FHIP1B: variants seen among roughly 807,000 people sequenced by gnomAD.
FHIP1B encodes FHF complex subunit HOOK interacting protein 1B.
Under a neutral mutation model 82.2 loss-of-function variants are expected in FHIP1B, and 28 were observed. That is an observed-to-expected ratio of 0.34 (90% CI 0.25 to 0.47). The LOEUF is 0.47. Among genes scored for constraint, FHIP1B ranks in the 20% least tolerant of loss-of-function variants. The pLI, the probability that FHIP1B is intolerant of heterozygous loss-of-function variation, is 1.00. For synonymous variants in FHIP1B, 585 were observed against 516.1 expected, an observed-to-expected ratio of 1.13 and a Z score of -1.81; for missense variants, 1,110 against 1,262.6, an observed-to-expected ratio of 0.88 and a Z score of 1.83.
In FHIP1B at chr11:6,211,549, C is replaced by T; in HGVS notation, c.2876G>A (p.Gly959Glu). The change falls in exon 12 of 12, where the codon GGA (glycine) becomes GAA (glutamate). Residue 959 changes from glycine (G) to glutamate (E), a missense_variant. By Grantham distance (98) the Gly-to-Glu change is moderately conservative. Transcript: ENST00000449352. ...ACAGCCTGAGATGAGAGGGCCAGATCCTTCCTCTGAAGTCTCCAACAAGAA... is the reference window on the plus strand; with the variant it reads ...ACAGCCTGAGATGAGAGGGCCAGATTCTTCCTCTGAAGTCTCCAACAAGAA... ...SPFLLETSEE[G>E]SGPLISGCGP... is the part of the protein sequence containing the mutation. 1 of 1,613,032 alleles carries T rather than the reference C, an allele frequency of 6.2e-7. No homozygotes were observed. The highest frequency in any genetic ancestry group is 8.5e-7 in the Non-Finnish European group (1 of 1,179,506).
At position 6,223,267 on chromosome 11, in the gene FHIP1B, T is replaced by C. The variant is rs1376379915; in HGVS notation, c.778-29A>G. ...TGAGAAGTTACCAAAAGCTCATATATAAAATACATTTATAAAATATAAAAA... is the reference window on the plus strand; with the variant it reads ...TGAGAAGTTACCAAAAGCTCATATACAAAATACATTTATAAAATATAAAAA... On this transcript the variant is annotated intron_variant, in intron 3 of 11. Transcript: ENST00000449352. This position sits in a 1 kb window ranked among gnomAD's most constrained non-coding sequence, Gnocchi z 4.8. 1.9e-6 allele frequency: 3 copies of C among 1,575,122 alleles called. No homozygotes were observed. Among genetic ancestry groups the C allele is most frequent in the Non-Finnish European group, 2.6e-6 (3 of 1,168,288 alleles).
chr11:6,215,172 T>A (rs1162913448), intron 9 of FHIP1B: 1 of 349,198 alleles, frequency 2.9e-6, no homozygotes, highest in Non-Finnish European at 5.1e-6. Flanking sequence ...CTCTGAAAGA[T>A]CTGGTTTCAC....
chr11:6,230,923 C>T (rs774016691), intron 1 of FHIP1B, among the ~76,000 whole-genome samples: 7 of 152,058 alleles, frequency 4.6e-5, no homozygotes, highest in Non-Finnish European at 8.8e-5. Context: ...GAGTGGCACA[C>T]GAGACTGGAG....
Position 6,211,798 on chromosome 11 carries a change from T to A in FHIP1B, c.2627A>T (p.Gln876Leu). ...RHAHSPTRAR[Q>L]AAQLVLQPGR... ...AGGCTGAAGGACCAATTGTGCCGCC[T>A]GCCGGGCCCTGGTTGGACTGTGTGC... is the stretch of plus-strand genomic sequence containing the variant. The change falls in exon 12 of 12, where the codon CAG becomes CTG. Residue 876 changes from glutamine to leucine, a missense_variant. Transcript: ENST00000449352. The A allele has an allele frequency of 1.4e-5, 23 of 1,613,072 alleles. No homozygotes were observed. The highest frequency in any genetic ancestry group is 1.9e-5 in the Non-Finnish European group (22 of 1,179,512).
In FHIP1B at chr11:6,218,634, G is replaced by A. The variant is rs766203455; in HGVS notation, c.1401C>T (p.Ser467=). 5 of 1,614,188 alleles carry A rather than the reference G, an allele frequency of 3.1e-6. No individual in the cohort carries two copies. Among genetic ancestry groups the A allele is most frequent in the Non-Finnish European group, 3.4e-6 (4 of 1,180,034 alleles). The stretch of plus-strand genomic sequence containing the variant: ...ATGAGGCATGCTCTGGACGAGGTGG[G>A]CTGGGGGCGTGGTGCCGACAACAGC... ...IPRCCRHHAP[S]PPRPEHASWA... Residue 467 remains serine (S), a synonymous_variant, in exon 8 of 12, where the codon AGC becomes AGT. Coordinates refer to ENST00000449352, the MANE Select transcript of FHIP1B (RefSeq NM_001098794.2).
rs747079775 is a variant in FHIP1B, at chr11:6,224,442, G to C, written c.75C>G (p.Leu25=). 10 of 1,614,132 alleles carry C rather than the reference G, an allele frequency of 6.2e-6. No homozygotes were observed. In the South Asian group the frequency reaches 1.1e-4, roughly 18 times the overall value. ...PGHRIPQGAN[L]QTPVMADPET... ...CGGGATCAGCCATGACTGGGGTTTG[G>C]AGATTGGCCCCTTGAGGTATACGGT... The change falls in exon 2 of 12, where the codon CTC becomes CTG. Residue 25 remains leucine (L), a synonymous_variant. Transcript: ENST00000449352.
rs760167191 is a variant in FHIP1B at position 6,219,052 on chromosome 11, TG to T, written c.1192-3del. ...GAGACTCAGAGAGACCATGCAGAGCTGGGGGGGTGGAGGGGAGGGAGGGAGT... is the reference window on the plus strand; with the variant it reads ...GAGACTCAGAGAGACCATGCAGAGCTGGGGGGTGGAGGGGAGGGAGGGAGT... On this transcript the variant is annotated splice_polypyrimidine_tract_variant and splice_region_variant and intron_variant, in intron 6 of 11. Transcript: ENST00000449352. 4.8e-5 allele frequency: 77 copies of T among 1,600,352 alleles called. 1 individual carries two copies. Among genetic ancestry groups the T allele is most frequent in the East Asian group, 1.3e-4 (6 of 44,700 alleles).
chr11:6,214,695 G>A (rs373395105), intron 10 of FHIP1B, 38 bp downstream of exon 10: 44 of 1,546,354 alleles, frequency 2.8e-5, no homozygotes, highest in African/African-American at 1.8e-4. Flanking sequence ...GGCCCACCAC[G>A]GAGCCTGGAC....
At chr11:6,218,934 A>C in intron 7 of FHIP1B, 37 bp downstream of exon 7, 3 of 1,605,878 alleles carry the variant, frequency 1.9e-6, no homozygotes, top group Non-Finnish European at 1.7e-6. Context: ...CTGAGGCTTC[A>C]GGGTCAGCCA....
At chr11:6,213,356 T>C (rs1213816985) in intron 11 of FHIP1B, among the ~76,000 whole-genome samples, 1 of 152,256 alleles carries the variant, frequency 6.6e-6, no homozygotes, top group African/African-American at 2.4e-5. Context: ...CACAACTACA[T>C]TGGCACATGT....
chr11:6,223,869 T>A lies in FHIP1B; in HGVS notation c.518A>T (p.Asp173Val). Residue 173 changes from aspartate to valine, a missense_variant, in exon 3 of 12, where the codon GAT (aspartate) becomes GTT (valine). This residue lies in a region of FHIP1B where 467 missense variants were observed against 602.9 expected (regional missense o/e 0.77). Coordinates refer to ENST00000449352, the MANE Select transcript of FHIP1B (RefSeq NM_001098794.2). This position sits in a 1 kb window ranked among gnomAD's most constrained non-coding sequence, Gnocchi z 4.8. ...GCTGAGAAGTAGCACCAAGCCTTCA[T>A]CCAGTGCTGGGCTACTGGGCACAGG... is the stretch of plus-strand genomic sequence containing the variant. Reference protein sequence around the residue: ...GRPVPSSPALDEGLVLLLSQL... With the variant: ...GRPVPSSPALVEGLVLLLSQL... The A allele has an allele frequency of 1.2e-6, 2 of 1,614,210 alleles. No homozygotes were observed. The highest frequency in any genetic ancestry group is 1.7e-6 in the Non-Finnish European group (2 of 1,180,026).
rs751138653 is a variant in FHIP1B at position 6,222,621 on chromosome 11, G to C, written c.1024-12C>G. On this transcript the variant is annotated splice_polypyrimidine_tract_variant and intron_variant, in intron 5 of 11. Transcript: ENST00000449352. Reference sequence around the variant, plus strand: ...TCCTCCACAGAGGTCTGCACAAAAAGAAGGGAAAGTCTGGAAATGCACAGC... The same window carrying C: ...TCCTCCACAGAGGTCTGCACAAAAACAAGGGAAAGTCTGGAAATGCACAGC... 1 of 1,613,510 alleles carries C rather than the reference G, an allele frequency of 6.2e-7. No homozygotes were observed. The highest frequency in any genetic ancestry group is 1.1e-5 in the South Asian group (1 of 91,056).
In FHIP1B at chr11:6,217,717, T is replaced by G; in HGVS notation, c.1869A>C (p.Ala623=). ...GGGGCAGGTGACCAGGGCCCTCCCC[T>G]GCACCCCCAGCCCGCCCCCTCCTCC... is the stretch of plus-strand genomic sequence containing the variant. ...ELGRRGRAGG[A]GEGPGHLPPP... is the part of the protein sequence containing the mutation. Residue 623 remains alanine (A), a synonymous_variant, in exon 9 of 12, where the codon GCA becomes GCC. Coordinates refer to ENST00000449352, the MANE Select transcript of FHIP1B (RefSeq NM_001098794.2). The G allele has an allele frequency of 6.6e-5, 80 of 1,212,528 alleles. No individual in the cohort carries two copies. Among genetic ancestry groups the G allele is most frequent in the Non-Finnish European group, 9.2e-5 (78 of 851,296 alleles). 75.1% of individuals were successfully genotyped at this position (1,212,528 alleles called of 1,614,324 possible).
At position 6,217,993 on chromosome 11, in the gene FHIP1B, G is replaced by C. The variant is rs1164226670; in HGVS notation, c.1593C>G (p.Ala531=). The change falls in exon 9 of 12, where the codon GCC becomes GCG. Residue 531 remains alanine, a synonymous_variant. Coordinates refer to ENST00000449352, the MANE Select transcript of FHIP1B (RefSeq NM_001098794.2). ...PCSPGLSASP[A]SSPGRRPTPA... ...GGGTAGGCCGTCGGCCAGGGCTGGAGGCGGGGGATGCAGAAAGCCCTGGTG... is the reference window on the plus strand; with the variant it reads ...GGGTAGGCCGTCGGCCAGGGCTGGACGCGGGGGATGCAGAAAGCCCTGGTG... The C allele has an allele frequency of 6.2e-7, 1 of 1,613,668 alleles. No individual in the cohort carries two copies. The highest frequency in any genetic ancestry group is 8.5e-7 in the Non-Finnish European group (1 of 1,180,004).
chr11:6,212,089 C>G (rs2133773762), intron 11 of FHIP1B: 1 of 439,816 alleles, frequency 2.3e-6, no homozygotes, highest in East Asian at 1.6e-4. Flanking sequence ...CTTTCTCACT[C>G]CAACACCAAA....
intron 1 of FHIP1B, among the ~76,000 whole-genome samples, chr11:6,229,727 C>T (rs1847649691): frequency 6.6e-6 from 1 of 152,096 alleles, no homozygotes; most frequent in African/African-American, 2.4e-5. Flanking sequence ...CCCTTCCTCA[C>T]CCACCTGCCC....
At chr11:6,212,638 G>A (rs1191405036) in intron 11 of FHIP1B, among the ~76,000 whole-genome samples, 11 of 152,080 alleles carry the variant, frequency 7.2e-5, no homozygotes, top group Non-Finnish European at 1.6e-4. Context: ...TAGATTTCTG[G>A]GTCTGGATCC....
At chr11:6,213,525 CAG>C (rs1847133803) in intron 11 of FHIP1B, among the ~76,000 whole-genome samples, 2 of 152,204 alleles carry the variant, frequency 1.3e-5, no homozygotes, top group Admixed American at 6.5e-5. Flanking sequence ...AGTCACTCTC[CAG>C]ATTGTACATT....
Position 6,211,816 on chromosome 11 carries a change from C to A in FHIP1B, c.2609G>T (p.Ser870Ile). Residue 870 changes from serine (S) to isoleucine (I), a missense_variant, in exon 12 of 12, where the codon AGT (serine) becomes ATT (isoleucine). This residue lies in a region of FHIP1B where 147 missense variants were observed against 154.0 expected (regional missense o/e 0.95). Transcript: ENST00000449352. ...LGELLLRHAH[S>I]PTRARQAAQL... ...TGCCGCCTGCCGGGCCCTGGTTGGA[C>A]TGTGTGCATGCCGCAGGAGTAACTC... 6.2e-7 allele frequency: 1 copy of A among 1,609,830 alleles called. No individual in the cohort carries two copies. Among genetic ancestry groups the A allele is most frequent in the Non-Finnish European group, 8.5e-7 (1 of 1,178,120 alleles).
Sources: gnomAD v4.1 joint callset for allele counts (sites outside exome capture counted in the v4.1 genomes callset) on GRCh38, gnomAD v4.1.1 for gene constraint, gnomAD v4.1.1 regional missense constraint, Gnocchi (gnomAD v3.1) non-coding constraint, MANE v1.5 for transcripts, NCBI Gene and HGNC (gene_info 2026-07-23, HGNC 2026-07-21) for gene names.